ANKRD13C: variants seen among roughly 807,000 people sequenced by gnomAD.
ANKRD13C encodes the protein ankyrin repeat domain 13C.
Under a neutral mutation model 65.5 loss-of-function variants are expected in ANKRD13C, and 16 were observed. The ratio of observed to expected loss-of-function variants is 0.24; its 90% CI spans 0.17 to 0.37. The LOEUF is 0.37. ANKRD13C is among the 10% of genes least tolerant of loss of function. The pLI is 1.00. For missense variants in ANKRD13C, 503 were observed against 655.9 expected, an observed-to-expected ratio of 0.77 and a Z score of 2.55; for synonymous variants, 235 against 238.7, an observed-to-expected ratio of 0.98 and a Z score of 0.14.
intron 4 of ANKRD13C, 109 bp downstream of exon 4, chr1:70,315,370 ATT>A: frequency 1.3e-6 from 1 of 784,790 alleles, no homozygotes; most frequent in Non-Finnish European, 2.0e-6. Context: ...GATTTTTACC[ATT>A]TTTTGGCCCC....
At chr1:70,302,089 C>G (rs1436680100) in intron 6 of ANKRD13C, among the ~76,000 whole-genome samples, 1 of 152,096 alleles carries the variant, frequency 6.6e-6, no homozygotes, top group Non-Finnish European at 1.5e-5. Context: ...TTTCCCTAGA[C>G]AGGAAAAACA....
At chr1:70,352,327 A>G (rs1682778749) in intron 1 of ANKRD13C, among the ~76,000 whole-genome samples, 1 of 143,558 alleles carries the variant, frequency 7.0e-6, no homozygotes, top group Admixed American at 7.1e-5. Context: ...GCGACAGAGC[A>G]AGACTCCGTC....
intron 12 of ANKRD13C, among the ~76,000 whole-genome samples, chr1:70,265,847 AAAAAG>A (rs1157801280): frequency 7.0e-4 from 101 of 144,934 alleles, no homozygotes; most frequent in African/African-American, 1.9e-3. Context: ...AAAAAAAAAA[AAAAAG>A]AAAAGAAAAG....
At chr1:70,269,546 T>TG (rs1263341951) in intron 12 of ANKRD13C, among the ~76,000 whole-genome samples, 1 of 152,104 alleles carries the variant, frequency 6.6e-6, no homozygotes, top group Non-Finnish European at 1.5e-5. Context: ...TCTGCAGAAA[T>TG]GCGAACACAA....
In ANKRD13C at chr1:70,270,932, T is replaced by C. The variant is rs201085431; in HGVS notation, c.1419A>G (p.Val473=). 7 of 1,611,268 alleles carry C rather than the reference T, an allele frequency of 4.3e-6. No homozygotes were observed. Among genetic ancestry groups the C allele is most frequent in the African/African-American group, 1.3e-5 (1 of 74,958 alleles). ...GCTTGTTAAAGTGCTTGAAGGGAGC[T>C]ACTACTTCTAAAACATTCAATAATC... ...IELLLNVLEV[V]APFKHFNKLR... The change falls in exon 12 of 13, where the codon GTA becomes GTG. Residue 473 remains valine (V), a synonymous_variant. Transcript: ENST00000370944.
Position 70,354,440 on chromosome 1 carries a change from G to A in ANKRD13C, c.-32C>T. On this transcript the variant is annotated 5_prime_UTR_variant, in exon 1 of 13. Coordinates refer to ENST00000370944, the MANE Select transcript of ANKRD13C (RefSeq NM_030816.5). Reference sequence around the variant, plus strand: ...CGCCAGGGGCAAGGGGGGGAATCGGGAGGCTCACCGCTGGCGACGGAGCTG... The same window carrying A: ...CGCCAGGGGCAAGGGGGGGAATCGGAAGGCTCACCGCTGGCGACGGAGCTG... 6.3e-7 allele frequency: 1 copy of A among 1,590,832 alleles called. No homozygotes were observed. The highest frequency in any genetic ancestry group is 1.1e-5 in the South Asian group (1 of 88,056).
chr1:70,322,081 G>A (rs761465346), intron 3 of ANKRD13C, among the ~76,000 whole-genome samples: 5 of 152,056 alleles, frequency 3.3e-5, no homozygotes, highest in African/African-American at 9.7e-5. Flanking sequence ...TTGGGAGGCC[G>A]AGGCAAGTAG....
intron 4 of ANKRD13C, among the ~76,000 whole-genome samples, chr1:70,314,534 T>A (rs1014232705): frequency 4.6e-5 from 7 of 151,802 alleles, no homozygotes; most frequent in Admixed American, 4.6e-4. Context: ...CGAAAAAAAA[T>A]TTTATTTTGC....
chr1:70,274,854 T>C, intron 10 of ANKRD13C, 36 bp from the exon 11 acceptor site: 6 of 1,336,220 alleles, frequency 4.5e-6, no homozygotes, highest in Non-Finnish European at 6.5e-6. Flanking sequence ...AGGAAACTTT[T>C]TCCATAGTCT....
intron 8 of ANKRD13C, among the ~76,000 whole-genome samples, chr1:70,294,766 T>C (rs974258561): frequency 6.6e-6 from 1 of 152,100 alleles, no homozygotes. Flanking sequence ...CCTGCGACTA[T>C]AGGCTTGTGC....
intron 6 of ANKRD13C, among the ~76,000 whole-genome samples, chr1:70,305,202 C>T (rs1465623130): frequency 1.3e-5 from 2 of 152,156 alleles, no homozygotes. Context: ...TTACTTCCAA[C>T]TAAAAGTTAT....
intron 12 of ANKRD13C, 56 bp from the exon 13 acceptor site, chr1:70,262,903 C>A: frequency 3.1e-6 from 4 of 1,272,388 alleles, no homozygotes; most frequent in Non-Finnish European, 4.4e-6. Flanking sequence ...TATTCATAGA[C>A]TACAAAGTAC....
At chr1:70,322,069 C>T (rs1359657366) in intron 3 of ANKRD13C, among the ~76,000 whole-genome samples, 1 of 151,916 alleles carries the variant, frequency 6.6e-6, no homozygotes, top group Non-Finnish European at 1.5e-5. Flanking sequence ...AATCCCAGCA[C>T]TTTGGGAGGC....
Position 70,297,915 on chromosome 1 carries a change from CAA to C in ANKRD13C, c.922-1656_922-1655del, listed in dbSNP as rs10710510. On this transcript the variant is annotated intron_variant, in intron 7 of 12. Transcript: ENST00000370944. Reference sequence around the variant, plus strand: ...CTGGAGACAGAGAGAGACTCCATCTCAAAAAAAAAAAAAAACAAAGAACAAAC... The same window carrying C: ...CTGGAGACAGAGAGAGACTCCATCTCAAAAAAAAAAAAACAAAGAACAAAC... 4.8e-3 allele frequency among the ~76,000 whole-genome samples: 616 copies of C among 127,258 alleles called. 4 individuals carry two copies. Among genetic ancestry groups the C allele is most frequent in the African/African-American group, 0.015 (521 of 34,312 alleles). The allele number at this position is 127,258 out of a possible 152,430, so 83.5% of individuals were successfully genotyped here. A position where few individuals can be genotyped will look rare whatever the true frequency, so the allele number is the denominator to read the frequency against.
At chr1:70,350,153 AAATT>A (rs1196691305) in intron 1 of ANKRD13C, among the ~76,000 whole-genome samples, 1 of 152,222 alleles carries the variant, frequency 6.6e-6, no homozygotes, top group East Asian at 1.9e-4. Context: ...AAAAAATAAT[AAATT>A]AATTAACATA....
chr1:70,293,069 A>G (rs544167965), intron 8 of ANKRD13C, among the ~76,000 whole-genome samples: 1 of 152,322 alleles, frequency 6.6e-6, no homozygotes, highest in South Asian at 2.1e-4. Context: ...ACAGGCACCA[A>G]ACTTCAAGTT....
chr1:70,304,362 G>C (rs1346284411), intron 6 of ANKRD13C, among the ~76,000 whole-genome samples: 2 of 151,658 alleles, frequency 1.3e-5, no homozygotes, highest in Non-Finnish European at 2.9e-5. Flanking sequence ...TTTTTTCAAA[G>C]AGATTCCTTC....
In ANKRD13C at chr1:70,293,999, C is replaced by T. The variant is rs955786094; in HGVS notation, c.1054-1450G>A. ...AAATGTGACTATTCATTTAAATGTC[C>T]AAAAACAAGACTGAATATGTTAAGT... On this transcript the variant is annotated intron_variant, in intron 8 of 12. Transcript: ENST00000370944. 2.6e-5 allele frequency among the ~76,000 whole-genome samples: 4 copies of T among 151,940 alleles called. No homozygotes were observed. In the East Asian group the frequency reaches 7.7e-4, roughly 29 times the overall value.
chr1:70,265,989 A>G (rs886278155), intron 12 of ANKRD13C, among the ~76,000 whole-genome samples: 3 of 152,040 alleles, frequency 2.0e-5, no homozygotes, highest in African/African-American at 4.8e-5. Flanking sequence ...CCTTTATTCA[A>G]TTTTATCCAA....
Sources: allele counts gnomAD v4.1 joint callset (sites outside exome capture counted in the v4.1 genomes callset), GRCh38; gene constraint gnomAD v4.1.1; transcripts MANE v1.5; gene names NCBI Gene and HGNC (gene_info 2026-07-23, HGNC 2026-07-21).